The following SETD1B variants were observed in gnomAD, a reference collection of about 807,000 sequenced individuals.
The protein encoded by SETD1B is histone-lysine N-methyltransferase SETD1B.
Under a neutral mutation model 148.0 loss-of-function variants are expected in SETD1B, and 7 were observed. That is an observed-to-expected ratio of 0.05 (90% CI 0.03 to 0.09). The LOEUF (loss-of-function observed/expected upper bound fraction) is 0.09. Ranked by LOEUF, SETD1B falls within the 10% of genes least tolerant of loss-of-function variation. SETD1B has a pLI of 1.00. For missense variants in SETD1B, 2,155 were observed against 2,729.9 expected (o/e 0.79, Z 4.69); for synonymous variants, 1,361 against 1,186.5 (o/e 1.15, Z -3.02).
At chr12:121,795,017 C>T in the SETD1B span, among the ~76,000 whole-genome samples, 1 of 152,226 alleles carries the variant, frequency 6.6e-6, no homozygotes, top group South Asian at 2.1e-4. Context: ...GTCATGTAAA[C>T]CTCACTTCGT....
At chr12:121,824,785 GATGGATC>G (rs1374146584) in intron 12 of SETD1B, among the ~76,000 whole-genome samples, 1 of 152,138 alleles carries the variant, frequency 6.6e-6, no homozygotes, top group Non-Finnish European at 1.5e-5. Flanking sequence ...GGCCGAGGTG[GATGGATC>G]ACTTGATCTC....
At chr12:121,794,741 C>T in the SETD1B span, among the ~76,000 whole-genome samples, 1 of 151,628 alleles carries the variant, frequency 6.6e-6, no homozygotes, top group African/African-American at 2.4e-5. Context: ...GCTGACTGCC[C>T]TCTGCACCAC....
chr12:121,809,078 T>G (rs1194113755), intron 5 of SETD1B, among the ~76,000 whole-genome samples: 1 of 152,164 alleles, frequency 6.6e-6, no homozygotes, highest in African/African-American at 2.4e-5. Flanking sequence ...TTCACCATGT[T>G]GTCCAGGCTG....
At position 121,810,647 on chromosome 12, in the gene SETD1B, G is replaced by A. The variant is rs1268384833; in HGVS notation, c.1702G>A (p.Gly568Ser). 2.6e-6 allele frequency: 4 copies of A among 1,548,996 alleles called. No homozygotes were observed. The highest frequency in any genetic ancestry group is 2.4e-5 in the East Asian group (1 of 40,898). The stretch of plus-strand genomic sequence containing the variant: ...CCCCTCGTCACGCCCCTCCAGCACC[G>A]GCCTGGAGGATATCAGCCCAACACC... ...TPPSSRPSST[G>S]LEDISPTPLP... The change falls in exon 6 of 17, where the codon GGC (glycine) becomes AGC (serine). Residue 568 changes from glycine (G) to serine (S), a missense_variant. Coordinates refer to ENST00000604567, the MANE Select transcript of SETD1B (RefSeq NM_001353345.2). This position sits in a 1 kb window ranked among gnomAD's most constrained non-coding sequence, Gnocchi z 7.6.
At chr12:121,829,539 G>C (rs1226188854) in intron 16 of SETD1B, among the ~76,000 whole-genome samples, 1 of 152,200 alleles carries the variant, frequency 6.6e-6, no homozygotes, top group South Asian at 2.1e-4. Flanking sequence ...GCAGACAGCA[G>C]GTAGTTGCAT....
rs954687823 is a variant in SETD1B, at chr12:121,817,748, C to T, written c.3312+44C>T. 17 of 1,536,784 alleles carry T rather than the reference C, an allele frequency of 1.1e-5. No individual in the cohort carries two copies. The highest frequency in any genetic ancestry group is 6.0e-5 in the South Asian group (5 of 82,924). The stretch of plus-strand genomic sequence containing the variant: ...AGCCTCAGGGGGCCGGGCCAGGCGA[C>T]GAGGGCCAGACCCTTCGGCTCACCT... On this transcript the variant is annotated intron_variant, in intron 9 of 16. Coordinates refer to ENST00000604567, the MANE Select transcript of SETD1B (RefSeq NM_001353345.2). The surrounding 1 kb of genome is among the most constrained non-coding windows in gnomAD (Gnocchi z 8.1).
the SETD1B span, among the ~76,000 whole-genome samples, chr12:121,790,161 G>T: frequency 6.6e-6 from 1 of 152,340 alleles, no homozygotes; most frequent in South Asian, 2.1e-4. Context: ...AGCCACACGG[G>T]CCTTCCACGA....
At position 121,805,123 on chromosome 12, in the gene SETD1B, C is replaced by T. The variant is rs1159258575; in HGVS notation, c.180C>T (p.Ser60=). Residue 60 remains serine (S), a synonymous_variant, in exon 3 of 17, where the codon TCC becomes TCT. Transcript: ENST00000604567. This position sits in a 1 kb window ranked among gnomAD's most constrained non-coding sequence, Gnocchi z 4.2. ...CCCCCAATTTCTCCCCACAGATGTCCAGCAACCGCCCGGTGGAAATTGTCG... is the reference window on the plus strand; with the variant it reads ...CCCCCAATTTCTCCCCACAGATGTCTAGCAACCGCCCGGTGGAAATTGTCG... The part of the protein sequence containing the change: ...YDGQHFSLAM[S]SNRPVEIVED... 9 of 1,551,534 alleles carry T rather than the reference C, an allele frequency of 5.8e-6. No homozygotes were observed. The highest frequency in any genetic ancestry group is 7.0e-6 in the Non-Finnish European group (8 of 1,146,946).
intron 7 of SETD1B, 86 bp from the exon 8 acceptor site, chr12:121,816,947 G>C: frequency 7.9e-7 from 1 of 1,263,900 alleles, no homozygotes. Flanking sequence ...TTACTGCCGA[G>C]TGGAAGGCAG....
At chr12:121,827,236 C>A (rs937151189) in intron 13 of SETD1B, among the ~76,000 whole-genome samples, 1 of 151,912 alleles carries the variant, frequency 6.6e-6, no homozygotes, top group Non-Finnish European at 1.5e-5. Context: ...TGGGTGAGAG[C>A]CAAGGAGGGG....
In SETD1B at chr12:121,805,668, C is replaced by CATTTTTTTTTTCCAAAAAAA; in HGVS notation, c.274-155_274-136dup. On this transcript the variant is annotated intron_variant, in intron 3 of 16. Transcript: ENST00000604567. This position sits in a 1 kb window ranked among gnomAD's most constrained non-coding sequence, Gnocchi z 4.2. ...TCCGCTTCCCGGGCCCGCCCGCGTG[C>CATTTTTTTTTTCCAAAAAAA]ATTTTTTTTTTCCAAAAAAAATTTT... Among the ~76,000 whole-genome samples the CATTTTTTTTTTCCAAAAAAA allele has an allele frequency of 1.4e-5, 2 of 141,920 alleles. No homozygotes were observed. Among genetic ancestry groups the CATTTTTTTTTTCCAAAAAAA allele is most frequent in the Non-Finnish European group, 3.0e-5 (2 of 65,712 alleles). The allele number at this position is 141,920 out of a possible 152,430, so 93.1% of individuals were successfully genotyped here. A position where few individuals can be genotyped will look rare whatever the true frequency, so the allele number is the denominator to read the frequency against.
chr12:121,805,043 T>G lies in SETD1B; in HGVS notation c.175-75T>G. 5 of 1,493,072 alleles carry G rather than the reference T, an allele frequency of 3.3e-6. No homozygotes were observed. Among genetic ancestry groups the G allele is most frequent in the Non-Finnish European group, 4.5e-6 (5 of 1,101,310 alleles). 92.5% of individuals were successfully genotyped at this position (1,493,072 alleles called of 1,614,324 possible). A position where few individuals can be genotyped will look rare whatever the true frequency, so the allele number is the denominator to read the frequency against. ...GGCCCCAGCCCTGGAGTTTGACAAG[T>G]GCCTCGAGAAAGGGGTCTGCCCATG... On this transcript the variant is annotated intron_variant, in intron 2 of 16. Transcript: ENST00000604567. The surrounding 1 kb of genome is among the most constrained non-coding windows in gnomAD (Gnocchi z 4.2).
rs375258828 is a variant in SETD1B, at chr12:121,816,800, G to A, written c.2716-233G>A. Among the ~76,000 whole-genome samples, 77 of 152,304 alleles carry A rather than the reference G, an allele frequency of 5.1e-4. 1 individual carries two copies. The South Asian group carries it at 8.3e-3, about 16-fold the overall frequency. ...GTGCAAAGGCCACTGTTGTAAGGAA[G>A]GCAGGTACAGTAGTCCTATTCTACA... On this transcript the variant is annotated intron_variant, in intron 7 of 16. Coordinates refer to ENST00000604567, the MANE Select transcript of SETD1B (RefSeq NM_001353345.2).
rs754579702 is a variant in SETD1B at position 121,806,100 on chromosome 12, C to T, written c.539C>T (p.Thr180Ile). The stretch of plus-strand genomic sequence containing the variant: ...AACATTATCCACGTGGAGCTGGACA[C>T]CAAAGGTGAGCCTGGCAGGGGAGGA... Reference protein sequence around the residue: ...MGNIIHVELDTKGETRMRFYE... With the variant: ...MGNIIHVELDIKGETRMRFYE... The change falls in exon 4 of 17, where the codon ACC becomes ATC. Residue 180 changes from threonine to isoleucine, a missense_variant. Physicochemically the swap from Thr to Ile is moderately conservative, Grantham distance 89 (BLOSUM62 -1). Coordinates refer to ENST00000604567, the MANE Select transcript of SETD1B (RefSeq NM_001353345.2). The T allele has an allele frequency of 6.4e-7, 1 of 1,551,154 alleles. No individual in the cohort carries two copies. The highest frequency in any genetic ancestry group is 1.2e-5 in the South Asian group (1 of 84,048).
chr12:121,815,631 C>T (rs930865076), intron 7 of SETD1B, among the ~76,000 whole-genome samples: 1 of 152,106 alleles, frequency 6.6e-6, no homozygotes, highest in Non-Finnish European at 1.5e-5. Context: ...TCACCTCAGC[C>T]TCCAAGTAGC....
rs750806567 is a variant in SETD1B, at chr12:121,823,254, C to G, written c.4675C>G (p.Pro1559Ala). ...LLLLPGQPQT[P>A]VFPSTHDPRT... ...GCTCCTGCCGGGCCAGCCACAGACC[C>G]CCGTCTTCCCCAGCACCCATGACCC... Residue 1559 changes from proline to alanine, a missense_variant, in exon 12 of 17, where the codon CCC becomes GCC. Physicochemically the swap from Pro to Ala is conservative, Grantham distance 27. Transcript: ENST00000604567. The G allele has an allele frequency of 1.9e-6, 3 of 1,549,954 alleles. No homozygotes were observed. Among genetic ancestry groups the G allele is most frequent in the South Asian group, 2.4e-5 (2 of 84,060 alleles).
Position 121,814,342 on chromosome 12 carries a change from G to GGGCC in SETD1B, c.2127_2128insGGCC (p.Pro710GlyfsTer133). On this transcript the variant is annotated frameshift_variant, in exon 7 of 17. Coordinates refer to ENST00000604567, the MANE Select transcript of SETD1B (RefSeq NM_001353345.2). LOFTEE classifies it high-confidence loss of function. ...CTGGCTTCCCCATGCCCCCACCGCT[G>GGGCC]CCCCCACCGCCGCCCCCACCCCCTC... 1.8e-6 allele frequency: 1 copy of GGGCC among 553,948 alleles called. No homozygotes were observed. The highest frequency in any genetic ancestry group is 2.7e-6 in the Non-Finnish European group (1 of 368,318). The allele number at this position is 553,948 out of a possible 1,614,324, so 34.3% of individuals were successfully genotyped here. A position where few individuals can be genotyped will look rare whatever the true frequency, so the allele number is the denominator to read the frequency against.
In SETD1B at chr12:121,808,825, G is replaced by C. The variant is rs1875869858; in HGVS notation, c.657+505G>C. ...CGAGTCTCATGCCAGCTCCTCCCTG[G>C]CATCAGGCTGACTAGCTGCCACTGG... On this transcript the variant is annotated intron_variant, in intron 5 of 16. Coordinates refer to ENST00000604567, the MANE Select transcript of SETD1B (RefSeq NM_001353345.2). The surrounding 1 kb of genome is among the most constrained non-coding windows in gnomAD (Gnocchi z 5.3). Among the ~76,000 whole-genome samples the C allele has an allele frequency of 6.6e-6, 1 of 152,198 alleles. No individual in the cohort carries two copies. Among genetic ancestry groups the C allele is most frequent in the African/African-American group, 2.4e-5 (1 of 41,446 alleles).
the SETD1B span, among the ~76,000 whole-genome samples, chr12:121,796,933 A>T: frequency 6.6e-6 from 1 of 151,628 alleles, no homozygotes; most frequent in Non-Finnish European, 1.5e-5. Context: ...AGCTACTCGG[A>T]GGCTGAGGCA....
Sources: allele counts gnomAD v4.1 joint callset (sites outside exome capture counted in the v4.1 genomes callset), GRCh38; gene constraint gnomAD v4.1.1; non-coding constraint Gnocchi (gnomAD v3.1); transcripts MANE v1.5; gene names NCBI Gene and HGNC (gene_info 2026-07-23, HGNC 2026-07-21).